The following ANGPT1 variants were observed in gnomAD, a reference collection of about 807,000 sequenced individuals.
The protein encoded by ANGPT1 is angiopoietin 1, also known as angiopoietin-1.
ANGPT1 carries 17 observed loss-of-function variants against 62.2 expected under a neutral mutation model. The observed-to-expected ratio is 0.27, with a 90% CI of 0.19 to 0.41. The LOEUF (loss-of-function observed/expected upper bound fraction) is 0.41. ANGPT1 is among the 10% of genes least tolerant of loss of function. The probability of loss-of-function intolerance (pLI) is 1.00; values close to 1 mark genes in which losing one functional copy is unlikely to be tolerated. For missense variants in ANGPT1, 478 were observed against 594.9 expected, an observed-to-expected ratio of 0.80 and a Z score of 2.04; for synonymous variants, 199 against 198.9, an observed-to-expected ratio of 1.00 and a Z score of 0.00.
intron 6 of ANGPT1, among the ~76,000 whole-genome samples, chr8:107,286,898 AAGG>A (rs1483636944): frequency 9.2e-5 from 14 of 152,168 alleles, no homozygotes; most frequent in African/African-American, 3.1e-4. Context: ...GCTACCTACT[AAGG>A]AGAAGAGCAA....
At chr8:107,353,057 A>C (rs1167410088) in intron 1 of ANGPT1, among the ~76,000 whole-genome samples, 2 of 152,180 alleles carry the variant, frequency 1.3e-5, no homozygotes, top group Non-Finnish European at 2.9e-5. Flanking sequence ...TGAAATGGAG[A>C]AATATAATTG....
intron 5 of ANGPT1, 122 bp downstream of exon 5, chr8:107,303,118 G>T (rs1586204345): frequency 5.1e-6 from 6 of 1,165,074 alleles, no homozygotes; most frequent in East Asian, 2.5e-5. Flanking sequence ...ATCTCTGGGA[G>T]AAAAAAGTTC....
At chr8:107,367,119 C>T (rs534939525) in intron 1 of ANGPT1, among the ~76,000 whole-genome samples, 4 of 152,150 alleles carry the variant, frequency 2.6e-5, no homozygotes, top group Non-Finnish European at 4.4e-5. Flanking sequence ...TAAATATTTG[C>T]TATTTTAAGC....
chr8:107,401,141 C>G (rs921203771), intron 1 of ANGPT1, among the ~76,000 whole-genome samples: 2 of 152,064 alleles, frequency 1.3e-5, no homozygotes, highest in Non-Finnish European at 2.9e-5. Context: ...TTTTTGACAA[C>G]CAAGAACCAC....
At chr8:107,448,719 T>A (rs1811683713) in intron 1 of ANGPT1, among the ~76,000 whole-genome samples, 1 of 152,152 alleles carries the variant, frequency 6.6e-6, no homozygotes. Flanking sequence ...GGATTATCTA[T>A]AAAACCACTC....
intron 1 of ANGPT1, among the ~76,000 whole-genome samples, chr8:107,418,152 A>C (rs556587824): frequency 7.4e-4 from 112 of 152,322 alleles, no homozygotes; most frequent in African/African-American, 2.5e-3. Context: ...GAGAAAGTTT[A>C]GACTTTTTTT....
chr8:107,395,742 T>G (rs1816922192), intron 1 of ANGPT1, among the ~76,000 whole-genome samples: 1 of 152,194 alleles, frequency 6.6e-6, no homozygotes. Context: ...ATAACATAGA[T>G]TTCACTTTAA....
At chr8:107,334,070 AG>A (rs1815501474) in intron 3 of ANGPT1, among the ~76,000 whole-genome samples, 1 of 151,010 alleles carries the variant, frequency 6.6e-6, no homozygotes, top group Admixed American at 6.6e-5. Context: ...GGAAGAAAAG[AG>A]AAAGAGACAG....
intron 1 of ANGPT1, among the ~76,000 whole-genome samples, chr8:107,371,991 A>T (rs866003491): frequency 5.3e-5 from 8 of 152,160 alleles, no homozygotes; most frequent in Non-Finnish European, 1.2e-4. Context: ...CATTGAAAAT[A>T]TATGTATCAT....
intron 1 of ANGPT1, among the ~76,000 whole-genome samples, chr8:107,392,803 C>A (rs1816860441): frequency 1.3e-5 from 2 of 151,946 alleles, no homozygotes; most frequent in African/African-American, 4.8e-5. Flanking sequence ...TTTATTCATT[C>A]CAGAAGAAGA....
chr8:107,263,354 CAAAAAAAAAAAAAAA>C (rs36190408), intron 8 of ANGPT1, among the ~76,000 whole-genome samples: 1 of 91,280 alleles, frequency 1.1e-5, no homozygotes, highest in East Asian at 3.4e-4. Flanking sequence ...AACTCAGTTT[CAAAAAAAAAAAAAAA>C]AAAAAAAAAG....
intron 1 of ANGPT1, among the ~76,000 whole-genome samples, chr8:107,347,855 A>G (rs1324024330): frequency 6.6e-6 from 1 of 152,120 alleles, no homozygotes; most frequent in Non-Finnish European, 1.5e-5. Flanking sequence ...TTATGGTGCC[A>G]TCTTAGAGAA....
At chr8:107,486,754 A>ACTC (rs1400505195) in intron 1 of ANGPT1, among the ~76,000 whole-genome samples, 1 of 151,892 alleles carries the variant, frequency 6.6e-6, no homozygotes, top group Non-Finnish European at 1.5e-5. Context: ...AAGCAGTTTG[A>ACTC]CTCTAGGCAT....
intron 1 of ANGPT1, among the ~76,000 whole-genome samples, chr8:107,409,083 A>T (rs1327682933): frequency 3.3e-5 from 5 of 152,188 alleles, no homozygotes; most frequent in African/African-American, 1.2e-4. Flanking sequence ...ATTATTATGC[A>T]TGCAACTCCT....
chr8:107,301,526 C>T (rs578056991), intron 5 of ANGPT1, among the ~76,000 whole-genome samples: 2 of 152,016 alleles, frequency 1.3e-5, no homozygotes, highest in African/African-American at 4.8e-5. Flanking sequence ...AAGTTATCTT[C>T]ATCTCCTCAT....
At position 107,375,819 on chromosome 8, in the gene ANGPT1, A is replaced by G. The variant is rs576892758; in HGVS notation, c.298-28722T>C. Among the ~76,000 whole-genome samples, 9 of 152,300 alleles carry G rather than the reference A, an allele frequency of 5.9e-5. No individual in the cohort carries two copies. In the South Asian group the frequency reaches 1.0e-3, roughly 18 times the overall value. ...AGAAACACTGAGAAGCTGCCCTGAT[A>G]AGAGCACAGGGGAGGCCCAGAGAAA... On this transcript the variant is annotated intron_variant, in intron 1 of 8. Coordinates refer to ENST00000517746, the MANE Select transcript of ANGPT1 (RefSeq NM_001146.5).
At chr8:107,414,722 C>T (rs1810692761) in intron 1 of ANGPT1, among the ~76,000 whole-genome samples, 1 of 152,134 alleles carries the variant, frequency 6.6e-6, no homozygotes, top group African/African-American at 2.4e-5. Flanking sequence ...TTCCCACTTC[C>T]AAGTGCCCAT....
chr8:107,251,659 C>G lies in ANGPT1; in HGVS notation c.*196G>C, dbSNP rs577120928. The stretch of plus-strand genomic sequence containing the variant: ...TATAGTCGAGCCACGTGAGCACTGT[C>G]ACCCCAAGTAGAGACTCTTGTGAAC... On this transcript the variant is annotated 3_prime_UTR_variant, in exon 9 of 9. Coordinates refer to ENST00000517746, the MANE Select transcript of ANGPT1 (RefSeq NM_001146.5). 1.6e-6 allele frequency: 1 copy of G among 620,280 alleles called. No individual in the cohort carries two copies. Among genetic ancestry groups the G allele is most frequent in the Non-Finnish European group, 2.7e-6 (1 of 370,376 alleles). The allele number at this position is 620,280 out of a possible 1,614,324, so 38.4% of individuals were successfully genotyped here.
chr8:107,335,712 A>G (rs1815542666), intron 3 of ANGPT1, among the ~76,000 whole-genome samples: 1 of 152,196 alleles, frequency 6.6e-6, no homozygotes, highest in Admixed American at 6.5e-5. Flanking sequence ...CTCTAGTGCT[A>G]TATTTCTGAA....
Sources: gnomAD v4.1 joint callset for allele counts (sites outside exome capture counted in the v4.1 genomes callset) on GRCh38, gnomAD v4.1.1 for gene constraint, MANE v1.5 for transcripts, NCBI Gene and HGNC (gene_info 2026-07-23, HGNC 2026-07-21) for gene names.